RALGAPA2: variants seen among roughly 807,000 people sequenced by gnomAD.
The protein encoded by RALGAPA2 is Ral GTPase activating protein catalytic subunit alpha 2.
RALGAPA2 carries 139 observed loss-of-function variants against 230.4 expected under a neutral mutation model. The observed-to-expected ratio is 0.60, with a 90% CI of 0.53 to 0.69. The LOEUF (loss-of-function observed/expected upper bound fraction) is 0.69, where lower values mean the gene tolerates loss of function less well. Ranked by LOEUF, RALGAPA2 falls within the 30% of genes least tolerant of loss-of-function variation. The probability of loss-of-function intolerance (pLI) is 0.00; values close to 1 mark genes in which losing one functional copy is unlikely to be tolerated. For synonymous variants in RALGAPA2, 847 were observed against 837.8 expected (o/e 1.01, Z -0.19); for missense variants, 2,163 against 2,276.0 (o/e 0.95, Z 1.01).
intron 2 of RALGAPA2, among the ~76,000 whole-genome samples, chr20:20,678,921 A>G (rs2068430095): frequency 6.6e-6 from 1 of 151,928 alleles, no homozygotes. Flanking sequence ...GGCTGACTCT[A>G]CATGCCTTCA....
At chr20:20,674,211 A>ATAG (rs1555819930) in intron 3 of RALGAPA2, among the ~76,000 whole-genome samples, 5 of 150,298 alleles carry the variant, frequency 3.3e-5, no homozygotes, top group Non-Finnish European at 5.9e-5. Context: ...AATAATAATA[A>ATAG]TAATAGTAAT....
intron 37 of RALGAPA2, among the ~76,000 whole-genome samples, chr20:20,442,662 T>C (rs987872210): frequency 6.6e-6 from 1 of 152,244 alleles, no homozygotes; most frequent in African/African-American, 2.4e-5. Context: ...CAATGTACGG[T>C]TCCAGTAACA....
At chr20:20,571,415 T>C in intron 23 of RALGAPA2, 43 bp downstream of exon 23, 3 of 1,554,006 alleles carry the variant, frequency 1.9e-6, no homozygotes, top group South Asian at 1.1e-5. Context: ...TGATATGCTA[T>C]TTCCAATTAA....
chr20:20,470,387 G>C (rs1054656757), intron 37 of RALGAPA2, among the ~76,000 whole-genome samples: 2 of 152,158 alleles, frequency 1.3e-5, no homozygotes, highest in African/African-American at 2.4e-5. Flanking sequence ...CTGGGGAGAG[G>C]ACAGAGAGAT....
intron 3 of RALGAPA2, among the ~76,000 whole-genome samples, chr20:20,655,449 T>C (rs2067556410): frequency 6.6e-6 from 1 of 152,140 alleles, no homozygotes; most frequent in African/African-American, 2.4e-5. Flanking sequence ...ACACTTGAGC[T>C]GAGACTTAGA....
intron 3 of RALGAPA2, among the ~76,000 whole-genome samples, chr20:20,664,410 C>T (rs760875350): frequency 1.3e-5 from 2 of 151,926 alleles, no homozygotes; most frequent in Non-Finnish European, 2.9e-5. Context: ...TTTTTAATGA[C>T]GGAACGAACA....
intron 35 of RALGAPA2, among the ~76,000 whole-genome samples, chr20:20,498,586 C>A (rs2062282499): frequency 6.6e-6 from 1 of 152,178 alleles, no homozygotes. Context: ...CCTCAGTGGG[C>A]CCGGCTGCTA....
At chr20:20,458,131 A>G (rs2061167262) in intron 37 of RALGAPA2, among the ~76,000 whole-genome samples, 3 of 152,168 alleles carry the variant, frequency 2.0e-5, no homozygotes, top group Non-Finnish European at 2.9e-5. Context: ...CTGCTCCCAC[A>G]AAAGAAAAGG....
intron 23 of RALGAPA2, among the ~76,000 whole-genome samples, chr20:20,561,966 T>C (rs1229498719): frequency 6.6e-6 from 1 of 152,172 alleles, no homozygotes; most frequent in Non-Finnish European, 1.5e-5. Context: ...CATTGCCAAA[T>C]GTTCCCTGGA....
At chr20:20,433,779 G>A (rs1382658723) in intron 37 of RALGAPA2, among the ~76,000 whole-genome samples, 5 of 152,020 alleles carry the variant, frequency 3.3e-5, no homozygotes, top group African/African-American at 7.3e-5. Context: ...CGATGCTCAC[G>A]AAGGACCAGG....
intron 37 of RALGAPA2, among the ~76,000 whole-genome samples, chr20:20,462,095 G>GA (rs1212910416): frequency 6.6e-6 from 1 of 152,100 alleles, no homozygotes; most frequent in East Asian, 1.9e-4. Flanking sequence ...TAAAGCATTA[G>GA]AAAAAATAAG....
intron 37 of RALGAPA2, among the ~76,000 whole-genome samples, chr20:20,468,669 T>C (rs2061472416): frequency 1.3e-5 from 2 of 152,126 alleles, no homozygotes; most frequent in African/African-American, 4.8e-5. Flanking sequence ...TATTCCCGTC[T>C]TTCTTTATCT....
chr20:20,626,326 C>T (rs2066489169), intron 10 of RALGAPA2, among the ~76,000 whole-genome samples: 1 of 152,184 alleles, frequency 6.6e-6, no homozygotes, highest in Non-Finnish European at 1.5e-5. Flanking sequence ...ATTTTAACAA[C>T]ACATAATACT....
At chr20:20,509,850 T>C (rs2062650377) in intron 33 of RALGAPA2, among the ~76,000 whole-genome samples, 1 of 152,196 alleles carries the variant, frequency 6.6e-6, no homozygotes, top group Non-Finnish European at 1.5e-5. Context: ...ATCTACTCAG[T>C]CCTTAGTGAC....
intron 13 of RALGAPA2, among the ~76,000 whole-genome samples, chr20:20,614,107 G>A (rs1004493575): frequency 2.0e-5 from 3 of 152,118 alleles, no homozygotes; most frequent in Non-Finnish European, 4.4e-5. Context: ...GAGTGAAGAA[G>A]GAAAGGAGGG....
intron 27 of RALGAPA2, among the ~76,000 whole-genome samples, chr20:20,530,722 A>G (rs973330110): frequency 1.3e-5 from 2 of 152,156 alleles, no homozygotes; most frequent in African/African-American, 4.8e-5. Flanking sequence ...TGTTAGGTGG[A>G]TGGTTCAGGG....
intron 36 of RALGAPA2, among the ~76,000 whole-genome samples, chr20:20,489,406 G>A (rs953684218): frequency 2.0e-5 from 3 of 151,990 alleles, no homozygotes; most frequent in Non-Finnish European, 4.4e-5. Flanking sequence ...AAGAAAATAA[G>A]AAAGAATAAC....
intron 17 of RALGAPA2, 44 bp from the exon 18 acceptor site, chr20:20,589,409 T>C: frequency 6.6e-7 from 1 of 1,519,318 alleles, no homozygotes; most frequent in Non-Finnish European, 8.9e-7. Context: ...AGAAGGAATG[T>C]TTCAGATAGT....
intron 36 of RALGAPA2, among the ~76,000 whole-genome samples, chr20:20,474,859 G>A (rs900460746): frequency 1.3e-5 from 2 of 152,140 alleles, no homozygotes; most frequent in African/African-American, 2.4e-5. Context: ...GGTTGAAGCT[G>A]TTCACTTAGA....
Sources: allele counts gnomAD v4.1 joint callset (sites outside exome capture counted in the v4.1 genomes callset), GRCh38; gene constraint gnomAD v4.1.1; transcripts MANE v1.5; gene names NCBI Gene and HGNC (gene_info 2026-07-23, HGNC 2026-07-21).